Variants in ABCC6 observed in about 807,000 individuals in gnomAD.
ABCC6 encodes the protein ATP binding cassette subfamily C member 6, also known as ATP-binding cassette sub-family C member 6.
In ABCC6, 126 loss-of-function variants were observed where a neutral mutation model predicts 169.5. The observed-to-expected ratio is 0.74, with a 90% CI of 0.64 to 0.86. The LOEUF is 0.86. Among genes scored for constraint, ABCC6 ranks in the 40% least tolerant of loss-of-function variants. The pLI is 0.00. For synonymous variants in ABCC6, 752 were observed against 814.7 expected, an observed-to-expected ratio of 0.92 and a Z score of 1.31; for missense variants, 1,733 against 1,927.2, an observed-to-expected ratio of 0.90 and a Z score of 1.89.
chr16:16,185,820 T>C (rs919961624), intron 14 of ABCC6, among the ~76,000 whole-genome samples: 3 of 152,176 alleles, frequency 2.0e-5, no homozygotes, highest in African/African-American at 7.2e-5. Context: ...ATTATTATTA[T>C]TATTTCACTG....
At chr16:16,205,789 A>G (rs942218253) in intron 7 of ABCC6, among the ~76,000 whole-genome samples, 1 of 152,190 alleles carries the variant, frequency 6.6e-6, no homozygotes, top group Non-Finnish European at 1.5e-5. Context: ...AGATGTCCCT[A>G]GTATAGAGTC....
chr16:16,175,744 A>G (rs2047257277), intron 20 of ABCC6, among the ~76,000 whole-genome samples, 167 bp downstream of exon 20: 1 of 142,978 alleles, frequency 7.0e-6, no homozygotes, highest in South Asian at 2.4e-4. Context: ...AACTGGACCA[A>G]TTTTGGTAAA....
intron 10 of ABCC6, among the ~76,000 whole-genome samples, chr16:16,195,180 T>C (rs2047992059): frequency 6.6e-6 from 1 of 152,016 alleles, no homozygotes; most frequent in Admixed American, 6.6e-5. Flanking sequence ...GCAACCTCAG[T>C]GTCCACTCCT....
intron 21 of ABCC6, 109 bp from the exon 22 acceptor site, chr16:16,169,962 C>T (rs2047005459): frequency 3.5e-6 from 4 of 1,132,684 alleles, no homozygotes; most frequent in Non-Finnish European, 5.2e-6. Flanking sequence ...GCAGATGGGA[C>T]CACCACGCAG....
intron 10 of ABCC6, among the ~76,000 whole-genome samples, chr16:16,193,253 GC>G (rs1377079418): frequency 3.9e-5 from 6 of 152,116 alleles, no homozygotes; most frequent in Admixed American, 1.3e-4. Flanking sequence ...AAATGCCATG[GC>G]AACATCAGGA....
Position 16,188,846 on chromosome 16 carries a change from G to C in ABCC6, c.1764C>G (p.Ile588Met). 5 of 1,613,960 alleles carry C rather than the reference G, an allele frequency of 3.1e-6. No individual in the cohort carries two copies. In the East Asian group the frequency reaches 1.1e-4, roughly 36 times the overall value. The change falls in exon 13 of 31, where the codon ATC (isoleucine) becomes ATG (methionine). Residue 588 changes from isoleucine (I) to methionine (M), a missense_variant. Coordinates refer to ENST00000205557, the MANE Select transcript of ABCC6 (RefSeq NM_001171.6). ...NKAQAFLPFS[I>M]HSLVQARVSF... ...CCCACCTCACCTGGACGAGGGAGTGGATGGAGAAGGGCAGGAAAGCCTGGG... is the reference window on the plus strand; with the variant it reads ...CCCACCTCACCTGGACGAGGGAGTGCATGGAGAAGGGCAGGAAAGCCTGGG...
At chr16:16,200,136 A>G (rs2048190247) in intron 9 of ABCC6, among the ~76,000 whole-genome samples, 3 of 151,816 alleles carry the variant, frequency 2.0e-5, no homozygotes, top group Admixed American at 2.0e-4. Context: ...TGAGTAACAT[A>G]AAAAAGTAGC....
chr16:16,161,712 G>C, intron 24 of ABCC6, 148 bp from the exon 25 acceptor site: 2 of 1,094,978 alleles, frequency 1.8e-6, no homozygotes, highest in Non-Finnish European at 2.7e-6. Flanking sequence ...TCAGGGAGTA[G>C]AGGAAGATGA....
At chr16:16,218,075 C>A (rs2856594) in intron 4 of ABCC6, among the ~76,000 whole-genome samples, 222 of 152,210 alleles carry the variant, frequency 1.5e-3, no homozygotes, top group Middle Eastern at 3.4e-3. Flanking sequence ...GGCAATAGAG[C>A]AAGACTCTGT....
At chr16:16,193,461 C>G (rs531063486) in intron 10 of ABCC6, among the ~76,000 whole-genome samples, 1 of 152,234 alleles carries the variant, frequency 6.6e-6, no homozygotes, top group East Asian at 1.9e-4. Flanking sequence ...GCCTGTAATA[C>G]CAGCACTTTG....
chr16:16,183,947 T>C (rs934824043), intron 15 of ABCC6, among the ~76,000 whole-genome samples: 2 of 151,996 alleles, frequency 1.3e-5, no homozygotes, highest in Admixed American at 1.3e-4. Flanking sequence ...ATGCCTGTAA[T>C]CCTAGTCCTT....
In ABCC6 at chr16:16,192,733, G is replaced by A. The variant is rs1596686809; in HGVS notation, c.1431+97C>T. On this transcript the variant is annotated intron_variant, in intron 11 of 30. Coordinates refer to ENST00000205557, the MANE Select transcript of ABCC6 (RefSeq NM_001171.6). ...CGACAAGAACAAAGCCAGACCCGTG[G>A]GCTCGCACTCAGCTCTCCCCTCCGC... The A allele has an allele frequency of 4.4e-6, 5 of 1,139,018 alleles. No individual in the cohort carries two copies. The Admixed American group carries it at 7.8e-5, about 18-fold the overall frequency. The allele number at this position is 1,139,018 out of a possible 1,614,324, so 70.6% of individuals were successfully genotyped here.
chr16:16,166,921 A>AC (rs57178553), intron 22 of ABCC6, among the ~76,000 whole-genome samples: 111 of 144,920 alleles, frequency 7.7e-4, no homozygotes, highest in African/African-American at 2.6e-3. Flanking sequence ...AAACAAACAA[A>AC]AAAACCAAAA....
chr16:16,203,181 C>A (rs1413065985), intron 8 of ABCC6, among the ~76,000 whole-genome samples: 1 of 152,228 alleles, frequency 6.6e-6, no homozygotes, highest in African/African-American at 2.4e-5. Flanking sequence ...CATTTTACAG[C>A]AAAAACTAAT....
chr16:16,169,968 C>G, intron 21 of ABCC6, 115 bp from the exon 22 acceptor site: 1 of 1,073,466 alleles, frequency 9.3e-7, no homozygotes, highest in Middle Eastern at 2.9e-4. Context: ...GGGACCACCA[C>G]GCAGACCTCA....
chr16:16,171,096 G>A (rs146546789), intron 21 of ABCC6, among the ~76,000 whole-genome samples: 2 of 151,888 alleles, frequency 1.3e-5, no homozygotes, highest in Admixed American at 1.3e-4. Context: ...TGCCTGGAGC[G>A]CTCTTTCTCC....
At position 16,177,303 on chromosome 16, in the gene ABCC6, C is replaced by T. The variant is rs1040340921; in HGVS notation, c.2590+149G>A. On this transcript the variant is annotated intron_variant, in intron 19 of 30. Transcript: ENST00000205557. ...ATCGGCTATTCTTGGAGAAAGGTGA[C>T]CTATTAAGAGAGCTGTCTGCTTCCA... 57 of 854,700 alleles carry T rather than the reference C, an allele frequency of 6.7e-5. No homozygotes were observed. The African/African-American group carries it at 8.0e-4, about 12-fold the overall frequency. 52.9% of individuals were successfully genotyped at this position (854,700 alleles called of 1,614,324 possible).
At chr16:16,187,660 C>G (rs1314853337) in intron 13 of ABCC6, among the ~76,000 whole-genome samples, 4 of 152,050 alleles carry the variant, frequency 2.6e-5, no homozygotes, top group Non-Finnish European at 5.9e-5. Flanking sequence ...TTTGGGAAGC[C>G]AAGTGCAGGA....
chr16:16,191,713 C>A (rs1050234859), intron 11 of ABCC6, among the ~76,000 whole-genome samples: 4 of 147,790 alleles, frequency 2.7e-5, no homozygotes, highest in Non-Finnish European at 4.5e-5. Context: ...GCCCTCAATT[C>A]TTTCCTTCCC....
Sources: allele counts gnomAD v4.1 joint callset (sites outside exome capture counted in the v4.1 genomes callset), GRCh38; gene constraint gnomAD v4.1.1; transcripts MANE v1.5; gene names NCBI Gene and HGNC (gene_info 2026-07-23, HGNC 2026-07-21).